Variants in TOM1L2 observed in about 807,000 individuals in gnomAD.
TOM1L2 encodes the protein target of myb1 like 2 membrane trafficking protein.
Under a neutral mutation model 67.9 loss-of-function variants are expected in TOM1L2, and 31 were observed. That is an observed-to-expected ratio of 0.46 (90% CI 0.34 to 0.62). The LOEUF (loss-of-function observed/expected upper bound fraction) is 0.62, where lower values mean the gene tolerates loss of function less well. Among genes scored for constraint, TOM1L2 ranks in the 20% least tolerant of loss-of-function variants. The pLI is 0.01. For missense variants in TOM1L2, 606 were observed against 663.5 expected (o/e 0.91, Z 0.95); for synonymous variants, 256 against 254.0 (o/e 1.01, Z -0.07).
intron 1 of TOM1L2, among the ~76,000 whole-genome samples, chr17:17,967,582 G>A (rs1019782834): frequency 2.0e-5 from 3 of 152,116 alleles, no homozygotes; most frequent in Non-Finnish European, 4.4e-5. Flanking sequence ...TCTTAGCCTC[G>A]CACACCATGG....
chr17:17,928,022 A>G (rs1012218491), intron 1 of TOM1L2, among the ~76,000 whole-genome samples: 1 of 152,238 alleles, frequency 6.6e-6, no homozygotes, highest in African/African-American at 2.4e-5. Flanking sequence ...AAAATAATCC[A>G]GGATAAAAGT....
Position 17,845,608 on chromosome 17 carries a change from C to T in TOM1L2, c.*2027G>A, listed in dbSNP as rs2035605208. 1 of 152,274 alleles carries T rather than the reference C, an allele frequency of 6.6e-6. No individual in the cohort carries two copies. Among genetic ancestry groups the T allele is most frequent in the African/African-American group, 2.4e-5 (1 of 41,456 alleles). 9.4% of individuals were successfully genotyped at this position (152,274 alleles called of 1,614,324 possible). ...GACTGCCCGAGGTCGGACCGCCCAC[C>T]ACCCGCAGGCCCAGCTCTGGCAGGG... is the stretch of plus-strand genomic sequence containing the variant. On this transcript the variant is annotated 3_prime_UTR_variant, in exon 15 of 15. Transcript: ENST00000379504.
In TOM1L2 at chr17:17,847,279, G is replaced by A. The variant is rs112538429; in HGVS notation, c.*356C>T. 5 of 293,154 alleles carry A rather than the reference G, an allele frequency of 1.7e-5. No homozygotes were observed. The highest frequency in any genetic ancestry group is 6.6e-5 in the African/African-American group (3 of 45,172). The allele number at this position is 293,154 out of a possible 1,614,324, so 18.2% of individuals were successfully genotyped here. On this transcript the variant is annotated 3_prime_UTR_variant, in exon 15 of 15. Coordinates refer to ENST00000379504, the MANE Select transcript of TOM1L2 (RefSeq NM_001082968.2). ...GCAGAGGTGAGCACAGGGCGGGGCC[G>A]GGCGTGCTCTTTCTCCATGGGCGGG...
intron 4 of TOM1L2, 125 bp downstream of exon 4, chr17:17,893,536 A>G: frequency 2.0e-6 from 2 of 977,866 alleles, no homozygotes; most frequent in Non-Finnish European, 1.5e-6. Context: ...ATTTTGCACC[A>G]AATATTTTAA....
At chr17:17,959,302 G>C (rs1421871144) in intron 1 of TOM1L2, among the ~76,000 whole-genome samples, 3 of 152,172 alleles carry the variant, frequency 2.0e-5, no homozygotes, top group Non-Finnish European at 2.9e-5. Context: ...CAGGTAGTTA[G>C]TGTCAAAACT....
At chr17:17,876,748 T>TGG (rs1317014845) in intron 7 of TOM1L2, among the ~76,000 whole-genome samples, 1 of 152,142 alleles carries the variant, frequency 6.6e-6, no homozygotes, top group African/African-American at 2.4e-5. Context: ...AGGGCAAGGA[T>TGG]GGGGAGGCAT....
chr17:17,882,642 C>G, intron 6 of TOM1L2, 63 bp downstream of exon 6: 1 of 1,592,204 alleles, frequency 6.3e-7, no homozygotes, highest in Non-Finnish European at 8.6e-7. Context: ...TTGTAAGTGT[C>G]TCCCAGAAAG....
chr17:17,927,623 ATTAAT>A (rs1016246402), intron 1 of TOM1L2, among the ~76,000 whole-genome samples: 3 of 151,664 alleles, frequency 2.0e-5, no homozygotes, highest in Non-Finnish European at 4.4e-5. Context: ...AAGGATTATG[ATTAAT>A]TTATTTTAGA....
chr17:17,935,207 G>A (rs973993524), intron 1 of TOM1L2, among the ~76,000 whole-genome samples: 9 of 152,234 alleles, frequency 5.9e-5, no homozygotes, highest in African/African-American at 2.2e-4. Context: ...AGATCTACAA[G>A]TTGGATGCTG....
intron 12 of TOM1L2, among the ~76,000 whole-genome samples, chr17:17,856,417 C>T (rs558756828): frequency 9.2e-5 from 14 of 152,392 alleles, no homozygotes; most frequent in African/African-American, 3.4e-4. Context: ...AGGCTGACAG[C>T]AGAGCTGTGC....
rs193175129 is a variant in TOM1L2 at position 17,928,789 on chromosome 17, T to C, written c.53-21258A>G. The stretch of plus-strand genomic sequence containing the variant: ...AGAACATAAATAGCTGCTGTCTGTG[T>C]CTCAGGATTTTTTTTTTCTTTAGAG... On this transcript the variant is annotated intron_variant, in intron 1 of 14. Coordinates refer to ENST00000379504, the MANE Select transcript of TOM1L2 (RefSeq NM_001082968.2). Among the ~76,000 whole-genome samples, 348 of 152,262 alleles carry C rather than the reference T, an allele frequency of 2.3e-3. 1 individual carries two copies. The highest frequency in any genetic ancestry group is 3.8e-3 in the Non-Finnish European group (260 of 68,008).
At chr17:17,862,485 A>G in intron 11 of TOM1L2, 1 of 442,986 alleles carries the variant, frequency 2.3e-6, no homozygotes, top group Non-Finnish European at 4.0e-6. Context: ...AACTGACAGG[A>G]GAAATCACAC....
intron 2 of TOM1L2, among the ~76,000 whole-genome samples, chr17:17,899,035 T>C (rs553774309): frequency 5.9e-5 from 9 of 152,208 alleles, no homozygotes; most frequent in South Asian, 2.1e-4. Flanking sequence ...GAAGAGACTC[T>C]CTAGAAAGAG....
At chr17:17,857,845 G>A in intron 12 of TOM1L2, 1 of 1,535,638 alleles carries the variant, frequency 6.5e-7, no homozygotes, top group South Asian at 1.2e-5. Flanking sequence ...CTGGGCCGAG[G>A]ACAGAAAAGT....
In TOM1L2 at chr17:17,845,809, AGG is replaced by A. The variant is rs1033483299; in HGVS notation, c.*1824_*1825del. 2.0e-5 allele frequency: 3 copies of A among 152,448 alleles called. No individual in the cohort carries two copies. The highest frequency in any genetic ancestry group is 4.8e-5 in the African/African-American group (2 of 41,460). The allele number at this position is 152,448 out of a possible 1,614,324, so 9.4% of individuals were successfully genotyped here. A position where few individuals can be genotyped will look rare whatever the true frequency, so the allele number is the denominator to read the frequency against. On this transcript the variant is annotated 3_prime_UTR_variant, in exon 15 of 15. Coordinates refer to ENST00000379504, the MANE Select transcript of TOM1L2 (RefSeq NM_001082968.2). ...TGTCTTTGAGAAACATTGAGGAGGCAGGGGCTCATCAAGCATCAGGGAGCAGA... is the reference window on the plus strand; with the variant it reads ...TGTCTTTGAGAAACATTGAGGAGGCAGGCTCATCAAGCATCAGGGAGCAGA...
At position 17,866,301 on chromosome 17, in the gene TOM1L2, C is replaced by T. The variant is rs1176443207; in HGVS notation, c.1079G>A (p.Gly360Asp). Residue 360 changes from glycine to aspartate, a missense_variant, in exon 10 of 15, where the codon GGC becomes GAC. Gly to Asp is a moderately conservative substitution (Grantham distance 94, BLOSUM62 -1). This residue lies in a region of TOM1L2 where 543 missense variants were observed against 554.0 expected (regional missense o/e 0.98). Coordinates refer to ENST00000379504, the MANE Select transcript of TOM1L2 (RefSeq NM_001082968.2). ...TGTCCCTGTGAGACACTCACCTAAG[C>T]CTGCAAGCTGGGAGGAGAGGGAAGA... ...PPSSLSSQLA[G>D]LDLGTESVSG... 1.2e-6 allele frequency: 2 copies of T among 1,612,576 alleles called. No homozygotes were observed. Among genetic ancestry groups the T allele is most frequent in the Admixed American group, 1.7e-5 (1 of 59,850 alleles).
chr17:17,945,596 C>T (rs1212258050), intron 1 of TOM1L2, among the ~76,000 whole-genome samples: 1 of 152,082 alleles, frequency 6.6e-6, no homozygotes, highest in Non-Finnish European at 1.5e-5. Flanking sequence ...ACATACATAC[C>T]CATCTTCTCT....
At chr17:17,862,512 G>A in intron 11 of TOM1L2, 1 of 544,406 alleles carries the variant, frequency 1.8e-6, no homozygotes, top group South Asian at 2.4e-5. Flanking sequence ...CAACCCCAAG[G>A]GCAGGAGAGT....
rs77916160 is a variant in TOM1L2, at chr17:17,882,724, A to T, written c.641T>A (p.Ile214Asn). The T allele has an allele frequency of 6.2e-7, 1 of 1,614,156 alleles. No individual in the cohort carries two copies. The highest frequency in any genetic ancestry group is 1.7e-5 in the Admixed American group (1 of 60,020). The change falls in exon 6 of 15, where the codon ATC (isoleucine) becomes AAC (asparagine). Residue 214 changes from isoleucine (I) to asparagine (N), a missense_variant. Coordinates refer to ENST00000379504, the MANE Select transcript of TOM1L2 (RefSeq NM_001082968.2). ...QAPALSVTGP[I>N]TANSEQIARL... Reference sequence around the variant, plus strand: ...AAGTACCTGTTCTGAATTGGCTGTGATGGGGCCAGTCACACTCAGAGCTGG... The same window carrying T: ...AAGTACCTGTTCTGAATTGGCTGTGTTGGGGCCAGTCACACTCAGAGCTGG...
Sources: gnomAD v4.1 joint callset for allele counts (sites outside exome capture counted in the v4.1 genomes callset) on GRCh38, gnomAD v4.1.1 for gene constraint, gnomAD v4.1.1 regional missense constraint, MANE v1.5 for transcripts, NCBI Gene and HGNC (gene_info 2026-07-23, HGNC 2026-07-21) for gene names.